Variants in AJAP1 observed in about 807,000 individuals in gnomAD.
AJAP1 encodes the protein adherens junction-associated protein 1.
AJAP1 carries 5 observed loss-of-function variants against 35.0 expected under a neutral mutation model. The ratio of observed to expected loss-of-function variants is 0.14; its 90% CI spans 0.07 to 0.30. The LOEUF is 0.30. Among genes scored for constraint, AJAP1 ranks in the 10% least tolerant of loss-of-function variants. AJAP1 has a pLI of 1.00. For missense variants in AJAP1, 586 were observed against 571.0 expected (o/e 1.03, Z -0.27); for synonymous variants, 284 against 249.3 (o/e 1.14, Z -1.31).
intron 2 of AJAP1, among the ~76,000 whole-genome samples, chr1:4,763,408 G>A (rs12119784): frequency 0.28 from 42,400 of 152,094 alleles, 6,404 homozygotes; most frequent in Admixed American, 0.36. Context: ...AAGGACTTCC[G>A]ACGAGAGGAG....
rs1030210082 is a variant in AJAP1 at position 4,692,131 on chromosome 1, C to T, written c.30-19769C>T. Among the ~76,000 whole-genome samples, 2 of 152,164 alleles carry T rather than the reference C, an allele frequency of 1.3e-5. No homozygotes were observed. The highest frequency in any genetic ancestry group is 2.4e-5 in the African/African-American group (1 of 41,432). ...GCCCTGCGTGGATCTATTATCTCTG[C>T]ATCGTTGCCGCCTTCTCGAGGGTTA... On this transcript the variant is annotated intron_variant, in intron 1 of 5. Transcript: ENST00000378191. The surrounding 1 kb of genome is among the most constrained non-coding windows in gnomAD (Gnocchi z 4.4).
intron 1 of AJAP1, among the ~76,000 whole-genome samples, chr1:4,666,161 C>A (rs1172189617): frequency 1.4e-5 from 2 of 146,528 alleles, no homozygotes; most frequent in African/African-American, 5.0e-5. Flanking sequence ...CCAGGAGGGG[C>A]ACCCCGCAGT....
At chr1:4,760,299 G>T (rs545009278) in intron 2 of AJAP1, among the ~76,000 whole-genome samples, 1 of 151,968 alleles carries the variant, frequency 6.6e-6, no homozygotes, top group East Asian at 1.9e-4. Flanking sequence ...GCATGTGCGG[G>T]CATGAGTGTG....
At chr1:4,675,943 C>T (rs1639352613) in intron 1 of AJAP1, among the ~76,000 whole-genome samples, 2 of 152,208 alleles carry the variant, frequency 1.3e-5, no homozygotes, top group African/African-American at 2.4e-5. Flanking sequence ...AGAGAAGCTG[C>T]GTGGAGTCTG....
At position 4,712,203 on chromosome 1, in the gene AJAP1, C is replaced by T. The variant is rs776740675; in HGVS notation, c.333C>T (p.Leu111=). The T allele has an allele frequency of 3.2e-6, 5 of 1,564,740 alleles. No individual in the cohort carries two copies. The African/African-American group carries it at 6.8e-5, about 21-fold the overall frequency. Residue 111 remains leucine, a synonymous_variant, in exon 2 of 6, where the codon CTC becomes CTT. Transcript: ENST00000378191. ...GGCCCCGGGACCAGGCGGCCGCCCT[C>T]GTGCCCAAGGCAGGACTGGCCAAGC... ...AHRPRDQAAA[L]VPKAGLAKPP... is the part of the protein sequence containing the mutation.
At chr1:4,776,763 T>G (rs965923582) in intron 5 of AJAP1, among the ~76,000 whole-genome samples, 14 of 152,112 alleles carry the variant, frequency 9.2e-5, no homozygotes, top group Admixed American at 8.5e-4. Flanking sequence ...TGGACCCCAC[T>G]TCCCAACTGT....
chr1:4,746,717 G>A (rs1397720073), intron 2 of AJAP1, among the ~76,000 whole-genome samples: 1 of 152,224 alleles, frequency 6.6e-6, no homozygotes, highest in African/African-American at 2.4e-5. Flanking sequence ...TTGCAGCTCA[G>A]CAGGCAGCCT....
chr1:4,769,618 G>C (rs1384817260), intron 2 of AJAP1, among the ~76,000 whole-genome samples: 1 of 151,930 alleles, frequency 6.6e-6, no homozygotes, highest in Non-Finnish European at 1.5e-5. Context: ...GAAGGAGAGA[G>C]CCCAGAGCTG....
intron 1 of AJAP1, among the ~76,000 whole-genome samples, chr1:4,663,847 G>A (rs938258680): frequency 1.3e-5 from 2 of 152,166 alleles, no homozygotes; most frequent in East Asian, 1.9e-4. Flanking sequence ...ACTGTTTGCC[G>A]TGTCTGCATA....
In AJAP1 at chr1:4,712,280, C is replaced by A; in HGVS notation, c.410C>A (p.Ser137Ter). The change falls in exon 2 of 6, where the codon TCG becomes TAG. Residue 137 changes from serine to a stop codon, truncating the protein, a stop_gained. Transcript: ENST00000378191. LOFTEE classifies it high-confidence loss of function. ...TCCCTCGCCTCTTCGTCCTCGTCCTCGTCCTCCGCGGTGGCCGGTGGGGCC... is the reference window on the plus strand; with the variant it reads ...TCCCTCGCCTCTTCGTCCTCGTCCTAGTCCTCCGCGGTGGCCGGTGGGGCC... ...SPSLASSSSS[S>*]SSAVAGGAPE... is the part of the protein sequence containing the mutation. 6.6e-7 allele frequency: 1 copy of A among 1,511,304 alleles called. No homozygotes were observed. The highest frequency in any genetic ancestry group is 8.8e-7 in the Non-Finnish European group (1 of 1,132,870). 93.6% of individuals were successfully genotyped at this position (1,511,304 alleles called of 1,614,324 possible).
intron 2 of AJAP1, among the ~76,000 whole-genome samples, chr1:4,714,337 A>G (rs1433551620): frequency 6.6e-6 from 1 of 151,986 alleles, no homozygotes; most frequent in Non-Finnish European, 1.5e-5. Flanking sequence ...CTCATCCTGC[A>G]CTGTCAGGCG....
At chr1:4,753,473 T>C (rs1338227648) in intron 2 of AJAP1, among the ~76,000 whole-genome samples, 1 of 147,982 alleles carries the variant, frequency 6.8e-6, no homozygotes, top group African/African-American at 2.7e-5. Context: ...AAATTATTCA[T>C]ATACATTATT....
chr1:4,694,636 A>AG (rs1163460086), intron 1 of AJAP1, among the ~76,000 whole-genome samples: 1 of 152,212 alleles, frequency 6.6e-6, no homozygotes, highest in Non-Finnish European at 1.5e-5. Context: ...GGGTCACGCG[A>AG]GGGGTCTCCC....
At position 4,655,800 on chromosome 1, in the gene AJAP1, C is replaced by T. The variant is rs1638866972; in HGVS notation, c.29+346C>T. 6.7e-6 allele frequency among the ~76,000 whole-genome samples: 1 copy of T among 148,770 alleles called. No individual in the cohort carries two copies. The highest frequency in any genetic ancestry group is 1.5e-5 in the Non-Finnish European group (1 of 66,900). On this transcript the variant is annotated intron_variant, in intron 1 of 5. Coordinates refer to ENST00000378191, the MANE Select transcript of AJAP1 (RefSeq NM_018836.4). The surrounding 1 kb of genome is among the most constrained non-coding windows in gnomAD (Gnocchi z 6.9). ...GCCCCGGCGCGCCTCCTCCCCGGGG[C>T]CCGGGGCGAGGCGCCGGCCGCTGGG... is the stretch of plus-strand genomic sequence containing the variant.
At chr1:4,776,420 T>G (rs940421090) in intron 5 of AJAP1, among the ~76,000 whole-genome samples, 1 of 152,180 alleles carries the variant, frequency 6.6e-6, no homozygotes, top group Non-Finnish European at 1.5e-5. Context: ...GTCAGCCAGG[T>G]TGTTAGTGGT....
In AJAP1 at chr1:4,655,400, G is replaced by T; in HGVS notation, c.-26G>T. ...CAGATGGCCTGGGCGAGCCAGGTCTGAGGCCCCGCTCCCCGAAACGTGACC... is the reference window on the plus strand; with the variant it reads ...CAGATGGCCTGGGCGAGCCAGGTCTTAGGCCCCGCTCCCCGAAACGTGACC... On this transcript the variant is annotated 5_prime_UTR_variant, in exon 1 of 6. An upstream open reading frame in the 5' UTR loses its in-frame stop. Transcript: ENST00000378191. The surrounding 1 kb of genome is among the most constrained non-coding windows in gnomAD (Gnocchi z 6.9). 1 of 1,554,988 alleles carries T rather than the reference G, an allele frequency of 6.4e-7. No homozygotes were observed. The highest frequency in any genetic ancestry group is 1.2e-5 in the South Asian group (1 of 86,344).
intron 2 of AJAP1, among the ~76,000 whole-genome samples, chr1:4,765,996 A>C (rs1401958938): frequency 6.6e-6 from 1 of 152,216 alleles, no homozygotes; most frequent in African/African-American, 2.4e-5. Context: ...TAATCCTTCA[A>C]ACTAAAAGAT....
intron 2 of AJAP1, among the ~76,000 whole-genome samples, chr1:4,724,202 C>T (rs997752555): frequency 6.6e-6 from 1 of 152,150 alleles, no homozygotes; most frequent in African/African-American, 2.4e-5. Flanking sequence ...GAATGCCAGG[C>T]GGAACCATGG....
chr1:4,730,071 C>T (rs1347660679), intron 2 of AJAP1, among the ~76,000 whole-genome samples: 5 of 152,204 alleles, frequency 3.3e-5, no homozygotes, highest in African/African-American at 1.2e-4. Context: ...AACAGGCGTT[C>T]AGTAAGAGGT....
Sources: gnomAD v4.1 joint callset for allele counts (sites outside exome capture counted in the v4.1 genomes callset) on GRCh38, gnomAD v4.1.1 for gene constraint, Gnocchi (gnomAD v3.1) non-coding constraint, MANE v1.5 for transcripts, NCBI Gene and HGNC (gene_info 2026-07-23, HGNC 2026-07-21) for gene names.